The following RBM20 variants were observed in gnomAD, a reference collection of about 807,000 sequenced individuals.
RBM20 encodes the protein RNA-binding protein 20.
RBM20 carries 51 observed loss-of-function variants against 110.1 expected under a neutral mutation model. That is an observed-to-expected ratio of 0.46 (90% CI 0.37 to 0.59). The LOEUF is 0.59. Among genes scored for constraint, RBM20 ranks in the 20% least tolerant of loss-of-function variants. RBM20 has a pLI of 0.00. For synonymous variants in RBM20, 589 were observed against 618.2 expected, an observed-to-expected ratio of 0.95 and a Z score of 0.70; for missense variants, 1,512 against 1,574.9, an observed-to-expected ratio of 0.96 and a Z score of 0.68.
At chr10:110,749,074 C>G (rs1284467643) in intron 1 of RBM20, among the ~76,000 whole-genome samples, 1 of 152,180 alleles carries the variant, frequency 6.6e-6, no homozygotes, top group African/African-American at 2.4e-5. Context: ...CTGGGAAAAC[C>G]TTAGAAGCAT....
chr10:110,644,251 CGTGG>C, upstream of RBM20: 1 of 421,210 alleles, frequency 2.4e-6, no homozygotes, highest in Non-Finnish European at 4.1e-6. The surrounding 1 kb of genome is among the most constrained non-coding windows in gnomAD (Gnocchi z 4.3). Context: ...CCCGCCCCCG[CGTGG>C]CCGGCCGGGA....
At chr10:110,662,479 C>T (rs1403268120) in intron 1 of RBM20, among the ~76,000 whole-genome samples, 2 of 152,166 alleles carry the variant, frequency 1.3e-5, no homozygotes, top group African/African-American at 4.8e-5. Context: ...ATTCACATTT[C>T]TCTCAGAGGT....
intron 1 of RBM20, among the ~76,000 whole-genome samples, chr10:110,715,866 C>T (rs192195919): frequency 6.6e-6 from 1 of 152,300 alleles, no homozygotes; most frequent in East Asian, 1.9e-4. Context: ...ACTCACAGCC[C>T]ATTGGCCATA....
At chr10:110,806,607 A>T (rs1226023370) in intron 7 of RBM20, among the ~76,000 whole-genome samples, 1 of 152,210 alleles carries the variant, frequency 6.6e-6, no homozygotes, top group Admixed American at 6.5e-5. Context: ...ATTACAATTG[A>T]ACATGAGATT....
intron 1 of RBM20, among the ~76,000 whole-genome samples, chr10:110,674,780 T>A (rs1403558488): frequency 1.3e-5 from 2 of 152,286 alleles, no homozygotes; most frequent in Non-Finnish European, 2.9e-5. Flanking sequence ...CATTCTGCAC[T>A]CTTGACATTT....
chr10:110,674,035 TC>T (rs938970680), intron 1 of RBM20, among the ~76,000 whole-genome samples: 31 of 152,204 alleles, frequency 2.0e-4, no homozygotes, highest in African/African-American at 7.5e-4. Flanking sequence ...TAATCCTCCT[TC>T]CTGCATTTTT....
intron 5 of RBM20, among the ~76,000 whole-genome samples, chr10:110,787,933 T>C (rs888062136): frequency 1.3e-5 from 2 of 152,158 alleles, no homozygotes; most frequent in African/African-American, 2.4e-5. Flanking sequence ...CAATATGTTC[T>C]TAGCATTTTT....
At chr10:110,799,155 A>G (rs1380609551) in intron 6 of RBM20, among the ~76,000 whole-genome samples, 4 of 152,196 alleles carry the variant, frequency 2.6e-5, no homozygotes. Flanking sequence ...TCAAATAACC[A>G]AAGCTTGTGT....
At chr10:110,759,003 A>G (rs1049210079) in intron 1 of RBM20, among the ~76,000 whole-genome samples, 6 of 152,232 alleles carry the variant, frequency 3.9e-5, no homozygotes, top group Non-Finnish European at 7.3e-5. Flanking sequence ...ATAACAGTTA[A>G]CCAGACAGGA....
At chr10:110,725,948 G>A (rs779441027) in intron 1 of RBM20, among the ~76,000 whole-genome samples, 6 of 88,592 alleles carry the variant, frequency 6.8e-5, no homozygotes, top group Admixed American at 2.4e-4. Flanking sequence ...CCCCTCCCCC[G>A]ACCCCATCCT....
chr10:110,718,773 G>A (rs532130074), intron 1 of RBM20, among the ~76,000 whole-genome samples: 68 of 151,668 alleles, frequency 4.5e-4, no homozygotes, highest in Non-Finnish European at 5.9e-5. Context: ...CACAATGCCC[G>A]GCTAATTTTT....
chr10:110,814,195 G>A (rs1350862945), intron 9 of RBM20, among the ~76,000 whole-genome samples: 2 of 152,208 alleles, frequency 1.3e-5, no homozygotes, highest in Admixed American at 6.5e-5. Context: ...TGCTACTTCA[G>A]CATTCATTCC....
intron 1 of RBM20, among the ~76,000 whole-genome samples, chr10:110,649,209 C>T (rs2134801702): frequency 6.6e-6 from 1 of 152,014 alleles, no homozygotes. Flanking sequence ...TCCACATTAT[C>T]CAGTTTCTTT....
chr10:110,748,720 C>T (rs1017085914), intron 1 of RBM20, among the ~76,000 whole-genome samples: 1 of 152,136 alleles, frequency 6.6e-6, no homozygotes, highest in Non-Finnish European at 1.5e-5. Context: ...TGACAAAATA[C>T]TCATACCACA....
intron 1 of RBM20, among the ~76,000 whole-genome samples, chr10:110,760,425 CTTTTTTTTTTTT>C (rs541027608): frequency 1.9e-4 from 11 of 57,818 alleles, no homozygotes; most frequent in Non-Finnish European, 3.1e-4. Context: ...ATTCCATCAT[CTTTTTTTTTTTT>C]TTTTTTTTTT....
intron 1 of RBM20, among the ~76,000 whole-genome samples, chr10:110,763,931 G>GTAGA (rs1844043432): frequency 6.6e-6 from 1 of 152,070 alleles, no homozygotes; most frequent in Non-Finnish European, 1.5e-5. Flanking sequence ...TCTCTGCCCA[G>GTAGA]TAGATGCCAG....
intron 1 of RBM20, among the ~76,000 whole-genome samples, chr10:110,723,091 G>A (rs553656984): frequency 2.0e-5 from 3 of 148,290 alleles, no homozygotes; most frequent in East Asian, 3.9e-4. Context: ...CAGCCTGGGC[G>A]CCAGAGCGAG....
rs1554844949 is a variant in RBM20 at position 110,835,882 on chromosome 10, G to A, written c.3588G>A (p.Gln1196=). 6.4e-7 allele frequency: 1 copy of A among 1,550,580 alleles called. No homozygotes were observed. Among genetic ancestry groups the A allele is most frequent in the Non-Finnish European group, 8.7e-7 (1 of 1,146,212 alleles). ...TCTTTCCACAGAAATATTTGTCCCA[G>A]CTGGCCGAGGAGGGCCTCAAGGAGA... ...HYRNLQKYLS[Q]LAEEGLKETE... is the part of the protein sequence containing the mutation. The change falls in exon 14 of 14, where the codon CAG becomes CAA. Residue 1196 remains glutamine, a synonymous_variant. Transcript: ENST00000369519.
chr10:110,674,593 T>C (rs1862306859), intron 1 of RBM20, among the ~76,000 whole-genome samples: 2 of 152,180 alleles, frequency 1.3e-5, no homozygotes, highest in African/African-American at 4.8e-5. Context: ...GGATTAATGG[T>C]GTTGAATCTG....
Sources: allele counts gnomAD v4.1 joint callset (sites outside exome capture counted in the v4.1 genomes callset), GRCh38; gene constraint gnomAD v4.1.1; non-coding constraint Gnocchi (gnomAD v3.1); transcripts MANE v1.5; gene names NCBI Gene and HGNC (gene_info 2026-07-23, HGNC 2026-07-21).